SFRP1: variants seen among roughly 807,000 people sequenced by gnomAD.
The protein encoded by SFRP1 is secreted frizzled-related protein 1.
A neutral mutation model predicts 25.9 loss-of-function variants in SFRP1; 9 were observed. That is an observed-to-expected ratio of 0.35 (90% confidence interval 0.21 to 0.61). The LOEUF (loss-of-function observed/expected upper bound fraction) is 0.61, where lower values mean the gene tolerates loss of function less well. Ranked by LOEUF, SFRP1 falls within the 20% of genes least tolerant of loss-of-function variation. SFRP1 has a pLI of 0.78. For missense variants in SFRP1, 346 were observed against 418.2 expected (o/e 0.83, Z 1.51); for synonymous variants, 178 against 174.0 (o/e 1.02, Z -0.18).
chr8:41,306,099 A>G (rs552855646), intron 1 of SFRP1, among the ~76,000 whole-genome samples: 1 of 152,226 alleles, frequency 6.6e-6, no homozygotes, highest in Non-Finnish European at 1.5e-5. Context: ...TTCAAAAATG[A>G]CTTCCCTAGA....
chr8:41,300,015 C>A (rs1803895597), intron 2 of SFRP1, among the ~76,000 whole-genome samples: 1 of 152,218 alleles, frequency 6.6e-6, no homozygotes, highest in Non-Finnish European at 1.5e-5. Context: ...CATCTTGCTT[C>A]ATCTTTGGGA....
chr8:41,285,098 G>A (rs143446572), intron 2 of SFRP1, among the ~76,000 whole-genome samples: 1 of 152,326 alleles, frequency 6.6e-6, no homozygotes, highest in African/African-American at 2.4e-5. Context: ...ATTGTGCTTC[G>A]TGGCACATGA....
At chr8:41,283,457 C>T (rs1803660476) in intron 2 of SFRP1, among the ~76,000 whole-genome samples, 1 of 151,948 alleles carries the variant, frequency 6.6e-6, no homozygotes, top group African/African-American at 2.4e-5. Flanking sequence ...TCAAGATTTA[C>T]TTAAAGACAA....
At chr8:41,289,387 G>A (rs1194506931) in intron 2 of SFRP1, among the ~76,000 whole-genome samples, 2 of 152,208 alleles carry the variant, frequency 1.3e-5, no homozygotes, top group Admixed American at 1.3e-4. Context: ...CAGGACTCCA[G>A]AATCTGTGTT....
At position 41,264,018 on chromosome 8, in the gene SFRP1, T is replaced by C. The variant is rs1028966127; in HGVS notation, c.*1149A>G. 6.6e-6 allele frequency: 1 copy of C among 152,198 alleles called. No individual in the cohort carries two copies. Among genetic ancestry groups the C allele is most frequent in the Admixed American group, 6.5e-5 (1 of 15,280 alleles). The allele number at this position is 152,198 out of a possible 1,614,324, so 9.4% of individuals were successfully genotyped here. On this transcript the variant is annotated 3_prime_UTR_variant, in exon 3 of 3. Transcript: ENST00000220772. Reference sequence around the variant, plus strand: ...GTTAGGTTCTAGGGCAACCACGGACTCTTCAGGAAGGAAAGCCACACAGCT... The same window carrying C: ...GTTAGGTTCTAGGGCAACCACGGACCCTTCAGGAAGGAAAGCCACACAGCT...
intron 2 of SFRP1, among the ~76,000 whole-genome samples, chr8:41,287,276 G>T (rs1474013361): frequency 6.6e-6 from 1 of 152,228 alleles, no homozygotes; most frequent in Non-Finnish European, 1.5e-5. Flanking sequence ...CAGGCCCCAG[G>T]AAAGTGGGAA....
intron 2 of SFRP1, 33 bp from the exon 3 acceptor site, chr8:41,265,522 A>G: frequency 3.3e-6 from 5 of 1,500,920 alleles, no homozygotes; most frequent in Non-Finnish European, 4.5e-6. Context: ...AAGAGAAAAG[A>G]GGGTAAGAGA....
rs77587119 is a variant in SFRP1 at position 41,278,430 on chromosome 8, G to A, written c.623-12941C>T. ...TCATTTTACTTCTCTGGATCCCAGCGTAGCCATTTGCAAAACGAATGTGTT... is the reference window on the plus strand; with the variant it reads ...TCATTTTACTTCTCTGGATCCCAGCATAGCCATTTGCAAAACGAATGTGTT... On this transcript the variant is annotated intron_variant, in intron 2 of 2. Coordinates refer to ENST00000220772, the MANE Select transcript of SFRP1 (RefSeq NM_003012.5). Among the ~76,000 whole-genome samples, 958 of 152,276 alleles carry A rather than the reference G, an allele frequency of 6.3e-3. 15 individuals are homozygous for A. Among genetic ancestry groups the A allele is most frequent in the African/African-American group, 0.022 (928 of 41,534 alleles).
intron 1 of SFRP1, among the ~76,000 whole-genome samples, chr8:41,304,230 G>A (rs1219223613): frequency 1.3e-5 from 2 of 152,250 alleles, no homozygotes; most frequent in East Asian, 1.9e-4. Context: ...GGGGGCAGAC[G>A]TGCATAACGT....
intron 2 of SFRP1, among the ~76,000 whole-genome samples, chr8:41,283,536 G>T (rs369682631): frequency 6.7e-6 from 1 of 150,214 alleles, no homozygotes; most frequent in African/African-American, 2.4e-5. Flanking sequence ...TCAGATCAAC[G>T]CTATTTTTAT....
chr8:41,308,136 C>T (rs1272186318), intron 1 of SFRP1, among the ~76,000 whole-genome samples: 1 of 152,210 alleles, frequency 6.6e-6, no homozygotes, highest in Non-Finnish European at 1.5e-5. Flanking sequence ...TGAAAATAAA[C>T]AAAAGCTGCT....
In SFRP1 at chr8:41,295,185, A is replaced by G. The variant is rs145915708; in HGVS notation, c.622+8276T>C. Among the ~76,000 whole-genome samples, 127 of 152,284 alleles carry G rather than the reference A, an allele frequency of 8.3e-4. No individual in the cohort carries two copies. The East Asian group carries it at 0.02, about 24-fold the overall frequency. ...AGACCAGCCTGGCCAACATGGTGAA[A>G]CCCCATCTCTACTAAAAATACAAAA... On this transcript the variant is annotated intron_variant, in intron 2 of 2. Coordinates refer to ENST00000220772, the MANE Select transcript of SFRP1 (RefSeq NM_003012.5).
chr8:41,265,126 A>AC lies in SFRP1; in HGVS notation c.*40dup. Reference sequence around the variant, plus strand: ...CCGGGGCACTGTCCCCCCCGCTCCCACCCCACCCGAGGCTCCCTCCCCACC... The same window carrying AC: ...CCGGGGCACTGTCCCCCCCGCTCCCACCCCCACCCGAGGCTCCCTCCCCACC... On this transcript the variant is annotated 3_prime_UTR_variant, in exon 3 of 3. Coordinates refer to ENST00000220772, the MANE Select transcript of SFRP1 (RefSeq NM_003012.5). The AC allele has an allele frequency of 2.2e-5, 3 of 136,962 alleles. No individual in the cohort carries two copies. The highest frequency in any genetic ancestry group is 2.8e-4 in the East Asian group (2 of 7,228). 8.5% of individuals were successfully genotyped at this position (136,962 alleles called of 1,614,324 possible).
rs923131245 is a variant in SFRP1 at position 41,300,428 on chromosome 8, G to C, written c.622+3033C>G. On this transcript the variant is annotated intron_variant, in intron 2 of 2. Transcript: ENST00000220772. ...AAGAAATTGCCACCTGAACTCTCAA[G>C]CTCAAAACACTGAAGAAGGTAGTAC... is the stretch of plus-strand genomic sequence containing the variant. Among the ~76,000 whole-genome samples the C allele has an allele frequency of 3.9e-5, 6 of 152,186 alleles. 1 individual carries two copies. The highest frequency in any genetic ancestry group is 7.3e-5 in the Non-Finnish European group (5 of 68,038).
At chr8:41,306,497 A>G (rs1312996760) in intron 1 of SFRP1, among the ~76,000 whole-genome samples, 1 of 151,956 alleles carries the variant, frequency 6.6e-6, no homozygotes, top group African/African-American at 2.4e-5. Flanking sequence ...ACACACACAC[A>G]CACACACACG....
intron 2 of SFRP1, chr8:41,271,558 T>C (rs1803507727): frequency 6.0e-6 from 1 of 165,788 alleles, no homozygotes; most frequent in Non-Finnish European, 1.4e-5. Context: ...TAGGCTTCAT[T>C]AGGTTAGACT....
chr8:41,268,623 G>A (rs954500146), intron 2 of SFRP1, among the ~76,000 whole-genome samples: 1 of 152,170 alleles, frequency 6.6e-6, no homozygotes. Context: ...CAGGAAAGAA[G>A]GCACGTATGG....
At chr8:41,306,355 G>T (rs1043012570) in intron 1 of SFRP1, among the ~76,000 whole-genome samples, 1 of 152,142 alleles carries the variant, frequency 6.6e-6, no homozygotes, top group South Asian at 2.1e-4. Flanking sequence ...AAGAATAAAC[G>T]AATAAAAGAG....
At chr8:41,298,134 G>A (rs1803866648) in intron 2 of SFRP1, 1 of 152,166 alleles carries the variant, frequency 6.6e-6, no homozygotes, top group Non-Finnish European at 1.5e-5. Flanking sequence ...ACTCAACACA[G>A]CTTTACAATG....
Sources: allele counts gnomAD v4.1 joint callset (sites outside exome capture counted in the v4.1 genomes callset), GRCh38; gene constraint gnomAD v4.1.1; transcripts MANE v1.5; gene names NCBI Gene and HGNC (gene_info 2026-07-23, HGNC 2026-07-21).